Variants in PGGT1B observed in about 807,000 individuals in gnomAD.
The protein encoded by PGGT1B is geranylgeranyl transferase type-1 subunit beta.
A neutral mutation model predicts 46.1 loss-of-function variants in PGGT1B; 30 were observed. The observed-to-expected ratio is 0.65, with a 90% CI of 0.49 to 0.88. The LOEUF is 0.88. Ranked by LOEUF, PGGT1B falls within the 40% of genes least tolerant of loss-of-function variation. PGGT1B has a pLI of 0.00. For synonymous variants in PGGT1B, 170 were observed against 160.0 expected (o/e 1.06, Z -0.47); for missense variants, 376 against 455.9 (o/e 0.82, Z 1.60).
intron 2 of PGGT1B, among the ~76,000 whole-genome samples, chr5:115,241,830 G>C (rs367634465): frequency 2.9e-4 from 44 of 152,100 alleles, no homozygotes; most frequent in African/African-American, 1.1e-3. Context: ...TTTCTATCAT[G>C]TACCTTTTTT....
chr5:115,242,487 C>T (rs1757377074), intron 2 of PGGT1B, among the ~76,000 whole-genome samples: 2 of 152,060 alleles, frequency 1.3e-5, no homozygotes, highest in Non-Finnish European at 2.9e-5. Context: ...GTATGACTAA[C>T]TTCATTATTA....
intron 5 of PGGT1B, 81 bp from the exon 6 acceptor site, chr5:115,231,102 G>A (rs941640886): frequency 5.9e-6 from 4 of 678,816 alleles, no homozygotes; most frequent in Admixed American, 3.1e-5. Flanking sequence ...AATGAACTAA[G>A]TTTTTTAGGT....
In PGGT1B at chr5:115,205,405, G is replaced by A. The variant is rs7732755; in HGVS notation, c.*6997C>T. On this transcript the variant is annotated 3_prime_UTR_variant, in exon 9 of 9. Coordinates refer to ENST00000419445, the MANE Select transcript of PGGT1B (RefSeq NM_005023.4). ...AATTTTAATGGCCACCCTTAATTTA[G>A]TTAGAGCCTCAAGATATTTAATGAA... 6.6e-6 allele frequency: 1 copy of A among 152,034 alleles called. No homozygotes were observed. Among genetic ancestry groups the A allele is most frequent in the South Asian group, 2.1e-4 (1 of 4,832 alleles). 9.4% of individuals were successfully genotyped at this position (152,034 alleles called of 1,614,324 possible).
chr5:115,214,061 AGT>A (rs1756331591), intron 8 of PGGT1B, among the ~76,000 whole-genome samples: 1 of 152,212 alleles, frequency 6.6e-6, no homozygotes, highest in Non-Finnish European at 1.5e-5. Context: ...ACATCCATAT[AGT>A]TATTCTAAAA....
In PGGT1B at chr5:115,252,278, A is replaced by AT. The variant is rs1299197176; in HGVS notation, c.259+858dup. Among the ~76,000 whole-genome samples, 11 of 152,224 alleles carry AT rather than the reference A, an allele frequency of 7.2e-5. No individual in the cohort carries two copies. In the East Asian group the frequency reaches 2.1e-3, roughly 29 times the overall value. On this transcript the variant is annotated intron_variant, in intron 2 of 8. Coordinates refer to ENST00000419445, the MANE Select transcript of PGGT1B (RefSeq NM_005023.4). Reference sequence around the variant, plus strand: ...AATAGGCATAGATTTAAAAAGTTATATAAAAACAAACACTATGAACTTCAA... The same window carrying AT: ...AATAGGCATAGATTTAAAAAGTTATATTAAAAACAAACACTATGAACTTCAA...
intron 6 of PGGT1B, among the ~76,000 whole-genome samples, chr5:115,224,419 T>C (rs1756695549): frequency 6.6e-6 from 1 of 152,214 alleles, no homozygotes; most frequent in Non-Finnish European, 1.5e-5. Flanking sequence ...ATTTTGAACA[T>C]AGTAACTCCA....
intron 8 of PGGT1B, among the ~76,000 whole-genome samples, chr5:115,215,577 C>T (rs116532452): frequency 1.3e-5 from 2 of 152,178 alleles, no homozygotes; most frequent in African/African-American, 2.4e-5. Context: ...GGATTACAGG[C>T]GTGAGCCAAA....
chr5:115,235,883 A>C (rs1464532617), intron 5 of PGGT1B, among the ~76,000 whole-genome samples: 1 of 152,154 alleles, frequency 6.6e-6, no homozygotes, highest in East Asian at 1.9e-4. Flanking sequence ...ATAAAATGAA[A>C]AACTTCATAT....
chr5:115,222,742 T>C (rs1230666139), intron 6 of PGGT1B, among the ~76,000 whole-genome samples: 1 of 152,202 alleles, frequency 6.6e-6, no homozygotes, highest in East Asian at 1.9e-4. Context: ...CCATCAATGA[T>C]AGACTGGATT....
intron 7 of PGGT1B, among the ~76,000 whole-genome samples, chr5:115,219,418 C>A (rs1756520715): frequency 6.6e-6 from 1 of 151,802 alleles, no homozygotes; most frequent in South Asian, 2.1e-4. Context: ...GAGGTTGGAT[C>A]TTACCTTACA....
rs1395703959 is a variant in PGGT1B at position 115,212,572 on chromosome 5, C to T, written c.964G>A (p.Ala322Thr). 6.2e-7 allele frequency: 1 copy of T among 1,602,858 alleles called. No individual in the cohort carries two copies. Among genetic ancestry groups the T allele is most frequent in the East Asian group, 2.2e-5 (1 of 44,656 alleles). ...GACAGGCCACAGATCCCAAAGTATG[C>T]ATGCAAAGCATCTGAAAAGAAGGCA... ...WPDSHPDALH[A>T]YFGICGLSLM... Residue 322 changes from alanine to threonine, a missense_variant, in exon 9 of 9, where the codon GCA becomes ACA. Ala to Thr is a moderately conservative substitution (Grantham distance 58). Around this residue, in one of 2 missense-constraint regions of PGGT1B, gnomAD observed 222 missense variants for 313.6 expected, o/e 0.71. Coordinates refer to ENST00000419445, the MANE Select transcript of PGGT1B (RefSeq NM_005023.4).
rs551661697 is a variant in PGGT1B at position 115,249,807 on chromosome 5, A to G, written c.259+3330T>C. Among the ~76,000 whole-genome samples the G allele has an allele frequency of 7.9e-5, 12 of 152,354 alleles. No homozygotes were observed. The South Asian group carries it at 8.3e-4, about 11-fold the overall frequency. ...CAGACAGTTTCATGTCAGTATATAT[A>G]TAGAGCTCTACCTTATTTACTGCAT... On this transcript the variant is annotated intron_variant, in intron 2 of 8. Coordinates refer to ENST00000419445, the MANE Select transcript of PGGT1B (RefSeq NM_005023.4).
chr5:115,239,976 T>A (rs1291638297), intron 3 of PGGT1B, among the ~76,000 whole-genome samples: 1 of 152,182 alleles, frequency 6.6e-6, no homozygotes, highest in Non-Finnish European at 1.5e-5. Flanking sequence ...TCAGTGACAA[T>A]ATTTTATTCA....
intron 7 of PGGT1B, among the ~76,000 whole-genome samples, chr5:115,217,674 G>A (rs1756462777): frequency 6.6e-6 from 1 of 151,946 alleles, no homozygotes; most frequent in South Asian, 2.1e-4. Flanking sequence ...TAATGAACCA[G>A]AGAGAGCCAC....
intron 6 of PGGT1B, among the ~76,000 whole-genome samples, chr5:115,228,308 TG>T: frequency 6.6e-6 from 1 of 152,102 alleles, no homozygotes. Flanking sequence ...ATGTTACAGG[TG>T]TAGAGGATAC....
At chr5:115,262,364 T>C in intron 1 of PGGT1B, 1 of 279,974 alleles carries the variant, frequency 3.6e-6, no homozygotes, top group Non-Finnish European at 7.0e-6. Flanking sequence ...AGTATTCATC[T>C]AAAAATACGA....
At position 115,212,387 on chromosome 5, in the gene PGGT1B, C is replaced by G; in HGVS notation, c.*15G>C. The G allele has an allele frequency of 1.2e-6, 2 of 1,600,864 alleles. No individual in the cohort carries two copies. Among genetic ancestry groups the G allele is most frequent in the South Asian group, 2.2e-5 (2 of 90,818 alleles). ...TTATGCTACAAATCCCCCCACCCTC[C>G]CAATCTAAAATCAGTCATGTGGAGA... On this transcript the variant is annotated 3_prime_UTR_variant, in exon 9 of 9. Coordinates refer to ENST00000419445, the MANE Select transcript of PGGT1B (RefSeq NM_005023.4).
intron 2 of PGGT1B, among the ~76,000 whole-genome samples, chr5:115,250,044 T>G (rs996827624): frequency 6.6e-6 from 1 of 152,150 alleles, no homozygotes; most frequent in Non-Finnish European, 1.5e-5. Flanking sequence ...TTCTTTATAG[T>G]CGATGTTAAT....
At chr5:115,245,462 T>C (rs1357419606) in intron 2 of PGGT1B, among the ~76,000 whole-genome samples, 2 of 152,224 alleles carry the variant, frequency 1.3e-5, no homozygotes, top group Admixed American at 6.5e-5. Flanking sequence ...CAATGAGTTC[T>C]ATAGGCAAGT....
Sources: allele counts gnomAD v4.1 joint callset (sites outside exome capture counted in the v4.1 genomes callset), GRCh38; gene constraint gnomAD v4.1.1; regional missense constraint gnomAD v4.1.1; transcripts MANE v1.5; gene names NCBI Gene and HGNC (gene_info 2026-07-23, HGNC 2026-07-21).